The following SCAI variants were observed in gnomAD, a reference collection of about 807,000 sequenced individuals.
SCAI encodes the protein protein SCAI.
Under a neutral mutation model 92.2 loss-of-function variants are expected in SCAI, and 24 were observed. The observed-to-expected ratio is 0.26, with a 90% CI of 0.19 to 0.37. The LOEUF (loss-of-function observed/expected upper bound fraction) is 0.37. Ranked by LOEUF, SCAI falls within the 10% of genes least tolerant of loss-of-function variation. The pLI is 1.00. For missense variants in SCAI, 450 were observed against 736.2 expected, an observed-to-expected ratio of 0.61 and a Z score of 4.50; for synonymous variants, 261 against 258.6, an observed-to-expected ratio of 1.01 and a Z score of -0.09.
intron 17 of SCAI, among the ~76,000 whole-genome samples, chr9:124,967,549 C>T (rs971586827): frequency 6.6e-6 from 1 of 152,116 alleles, no homozygotes; most frequent in Non-Finnish European, 1.5e-5. Flanking sequence ...TGCTACATCA[C>T]TCAGCTCATG....
intron 2 of SCAI, among the ~76,000 whole-genome samples, chr9:125,140,850 C>A (rs1322898777): frequency 6.6e-6 from 1 of 150,972 alleles, no homozygotes; most frequent in Non-Finnish European, 1.5e-5. Flanking sequence ...CAGAGCCAGA[C>A]CCTGTCTCAA....
intron 3 of SCAI, among the ~76,000 whole-genome samples, chr9:125,041,437 TTG>T (rs1833316984): frequency 6.6e-6 from 1 of 152,222 alleles, no homozygotes; most frequent in Admixed American, 6.5e-5. Context: ...CTGACAATTA[TTG>T]TGTTTCATTA....
intron 2 of SCAI, among the ~76,000 whole-genome samples, chr9:125,072,173 A>G (rs1352317686): frequency 4.6e-5 from 7 of 152,164 alleles, no homozygotes; most frequent in Admixed American, 3.9e-4. Context: ...ACAGGCGGGC[A>G]CCACCACGCC....
intron 2 of SCAI, among the ~76,000 whole-genome samples, chr9:125,081,975 C>T (rs1224029583): frequency 1.3e-5 from 2 of 152,176 alleles, no homozygotes; most frequent in African/African-American, 4.8e-5. Context: ...GACATTCAAG[C>T]CGGCTGCAGA....
intron 2 of SCAI, among the ~76,000 whole-genome samples, chr9:125,080,740 C>A (rs1330117009): frequency 6.6e-6 from 1 of 152,140 alleles, no homozygotes; most frequent in Admixed American, 6.6e-5. Flanking sequence ...AGAAAGTGCC[C>A]ATAAACAGTC....
chr9:124,993,989 A>G (rs1345094808), intron 14 of SCAI, among the ~76,000 whole-genome samples: 1 of 151,794 alleles, frequency 6.6e-6, no homozygotes, highest in African/African-American at 2.4e-5. Context: ...GTAAATTACT[A>G]TAGTTTGAAT....
intron 3 of SCAI, among the ~76,000 whole-genome samples, chr9:125,032,196 T>TATATATA (rs1491338051): frequency 1.3e-3 from 83 of 65,522 alleles, no homozygotes; most frequent in Middle Eastern, 7.0e-3. Context: ...TATATATATA[T>TATATATA]TTTTTTTTTT....
chr9:125,043,455 T>C (rs779109937), intron 3 of SCAI, among the ~76,000 whole-genome samples: 2 of 152,078 alleles, frequency 1.3e-5, no homozygotes, highest in Non-Finnish European at 2.9e-5. Context: ...GACCCAGTGG[T>C]TTTTTGTTGT....
chr9:125,134,798 T>A (rs556532507), intron 2 of SCAI, among the ~76,000 whole-genome samples: 1 of 152,346 alleles, frequency 6.6e-6, no homozygotes, highest in African/African-American at 2.4e-5. Flanking sequence ...TGCCTCAGCC[T>A]CCTGAGTAGC....
At chr9:125,079,854 T>C (rs2131178314) in intron 2 of SCAI, among the ~76,000 whole-genome samples, 1 of 152,242 alleles carries the variant, frequency 6.6e-6, no homozygotes, top group Non-Finnish European at 1.5e-5. Flanking sequence ...CAGCATTTGA[T>C]TACGAAAGCA....
At chr9:124,966,619 CTTAA>C (rs1236099156) in intron 17 of SCAI, among the ~76,000 whole-genome samples, 4 of 152,004 alleles carry the variant, frequency 2.6e-5, no homozygotes, top group African/African-American at 4.8e-5. Context: ...ATACCTTTTT[CTTAA>C]TTTATTCAAT....
Position 125,108,335 on chromosome 9 carries a change from C to A in SCAI, c.98+34298G>T, listed in dbSNP as rs564789039. 8.0e-3 allele frequency among the ~76,000 whole-genome samples: 1,212 copies of A among 152,042 alleles called. 11 individuals are homozygous for A. The highest frequency in any genetic ancestry group is 0.027 in the African/African-American group (1,134 of 41,490). ...GAGCCCCTCTGCCCAGCTGCCCAGT[C>A]TGGGAAGTGAGGAGCGCCTCTTCCC... On this transcript the variant is annotated intron_variant, in intron 2 of 17. Coordinates refer to ENST00000336505, the MANE Select transcript of SCAI (RefSeq NM_001144877.3).
intron 3 of SCAI, among the ~76,000 whole-genome samples, chr9:125,032,197 T>TA (rs1564386310): frequency 3.9e-3 from 332 of 84,502 alleles, no homozygotes; most frequent in African/African-American, 0.01. Context: ...ATATATATAT[T>TA]TTTTTTTTTT....
intron 4 of SCAI, 119 bp from the exon 5 acceptor site, chr9:125,028,597 T>C (rs1564384715): frequency 1.7e-5 from 8 of 461,980 alleles, no homozygotes; most frequent in Non-Finnish European, 1.9e-5. Flanking sequence ...GAATTTTTCA[T>C]TAGATTTCAA....
chr9:125,013,100 T>G (rs1248902697), intron 9 of SCAI, among the ~76,000 whole-genome samples: 1 of 151,974 alleles, frequency 6.6e-6, no homozygotes, highest in Non-Finnish European at 1.5e-5. Flanking sequence ...ATTGACACCC[T>G]AACATCACAA....
chr9:125,085,679 G>T (rs1203426793), intron 2 of SCAI, among the ~76,000 whole-genome samples: 1 of 152,158 alleles, frequency 6.6e-6, no homozygotes, highest in African/African-American at 2.4e-5. Context: ...TACTCAGGAG[G>T]CTGAGGTAGG....
chr9:125,071,068 T>C (rs1833970933), intron 2 of SCAI, among the ~76,000 whole-genome samples: 2 of 152,152 alleles, frequency 1.3e-5, no homozygotes, highest in African/African-American at 2.4e-5. Context: ...TCTGCCACCA[T>C]GTAAGATGTG....
chr9:125,143,045 G>A (rs1447254697), intron 1 of SCAI, among the ~76,000 whole-genome samples: 3 of 71,302 alleles, frequency 4.2e-5, no homozygotes, highest in African/African-American at 1.1e-4. Context: ...GTTCCCGACC[G>A]TGCACTGCCC....
At position 124,949,862 on chromosome 9, in the gene SCAI, A is replaced by G. The variant is rs948508295; in HGVS notation, c.*2945T>C. 2 of 152,164 alleles carry G rather than the reference A, an allele frequency of 1.3e-5. No individual in the cohort carries two copies. Among genetic ancestry groups the G allele is most frequent in the African/African-American group, 4.8e-5 (2 of 41,426 alleles). 9.4% of individuals were successfully genotyped at this position (152,164 alleles called of 1,614,324 possible). A position where few individuals can be genotyped will look rare whatever the true frequency, so the allele number is the denominator to read the frequency against. ...ATCTGGAGTATAGTCTTTGTTTAAT[A>G]CGCATTTTTTTGAAGGCATCAATGA... On this transcript the variant is annotated 3_prime_UTR_variant, in exon 18 of 18. Transcript: ENST00000336505. The surrounding 1 kb of genome is among the most constrained non-coding windows in gnomAD (Gnocchi z 4.0).
Sources: gnomAD v4.1 joint callset for allele counts (sites outside exome capture counted in the v4.1 genomes callset) on GRCh38, gnomAD v4.1.1 for gene constraint, Gnocchi (gnomAD v3.1) non-coding constraint, MANE v1.5 for transcripts, NCBI Gene and HGNC (gene_info 2026-07-23, HGNC 2026-07-21) for gene names.